SEMA3E: variants seen among roughly 807,000 people sequenced by gnomAD.
SEMA3E encodes the protein semaphorin-3E.
Under a neutral mutation model 93.6 loss-of-function variants are expected in SEMA3E, and 49 were observed. The ratio of observed to expected loss-of-function variants is 0.52; its 90% CI spans 0.42 to 0.66. SEMA3E has a LOEUF of 0.66. Among genes scored for constraint, SEMA3E ranks in the 30% least tolerant of loss-of-function variants. SEMA3E has a pLI of 0.00. For synonymous variants in SEMA3E, 363 were observed against 330.7 expected (o/e 1.10, Z -1.06); for missense variants, 906 against 964.8 (o/e 0.94, Z 0.81).
intron 1 of SEMA3E, among the ~76,000 whole-genome samples, chr7:83,543,041 A>G (rs1002603450): frequency 1.3e-5 from 2 of 152,186 alleles, no homozygotes; most frequent in Middle Eastern, 3.4e-3. Context: ...GTTACTTACT[A>G]TGTTAATATG....
At chr7:83,444,515 T>A (rs955597148) in intron 4 of SEMA3E, among the ~76,000 whole-genome samples, 1 of 152,150 alleles carries the variant, frequency 6.6e-6, no homozygotes, top group Non-Finnish European at 1.5e-5. Context: ...AGACCAATTA[T>A]GGGAATATGA....
rs148720467 is a variant in SEMA3E, at chr7:83,374,902, T to C, written c.1876-6864A>G. The stretch of plus-strand genomic sequence containing the variant: ...ACAATGTACCATAAACTAAATCGTA[T>C]GATTAAGTAAATTATGCATCTGAAG... On this transcript the variant is annotated intron_variant, in intron 16 of 16. Coordinates refer to ENST00000643230, the MANE Select transcript of SEMA3E (RefSeq NM_012431.3). Among the ~76,000 whole-genome samples, 1,001 of 152,092 alleles carry C rather than the reference T, an allele frequency of 6.6e-3. 8 individuals are homozygous for C. The highest frequency in any genetic ancestry group is 0.022 in the African/African-American group (924 of 41,524).
At chr7:83,570,552 CAAAAA>C (rs59715914) in intron 1 of SEMA3E, among the ~76,000 whole-genome samples, 3 of 33,082 alleles carry the variant, frequency 9.1e-5, no homozygotes, top group African/African-American at 4.6e-4. Flanking sequence ...GACTCCGTCT[CAAAAA>C]AAAAAAAAAA....
chr7:83,376,207 TG>T (rs2116903576), intron 16 of SEMA3E, among the ~76,000 whole-genome samples: 1 of 152,106 alleles, frequency 6.6e-6, no homozygotes, highest in East Asian at 1.9e-4. Flanking sequence ...ATGCTTTCAG[TG>T]TTGTGCATAA....
At chr7:83,469,678 T>C (rs907421803) in intron 2 of SEMA3E, among the ~76,000 whole-genome samples, 3 of 152,180 alleles carry the variant, frequency 2.0e-5, no homozygotes, top group African/African-American at 7.2e-5. Context: ...TGCTGTGTGG[T>C]GGGCTCTCCT....
chr7:83,492,775 G>T (rs1465011267), intron 1 of SEMA3E, among the ~76,000 whole-genome samples: 1 of 151,836 alleles, frequency 6.6e-6, no homozygotes. Context: ...AACAACCACT[G>T]TGTGACAGTT....
Position 83,469,290 on chromosome 7 carries a change from T to C in SEMA3E, c.289A>G (p.Ser97Gly), listed in dbSNP as rs1445294085. 6 of 1,609,698 alleles carry C rather than the reference T, an allele frequency of 3.7e-6. No homozygotes were observed. The African/African-American group carries it at 8.0e-5, about 22-fold the overall frequency. Residue 97 changes from serine (S) to glycine (G), a missense_variant, in exon 3 of 17, where the codon AGT becomes GGT. Transcript: ENST00000643230. ...SDGYKEIHWPSTALKMEECIM... is the reference protein window; with the variant it reads ...SDGYKEIHWPGTALKMEECIM... ...CATTCTTCCATTTTTAGAGCTGTAC[T>C]CGGCCAGTGTATCTAAAATAAAAGA... is the stretch of plus-strand genomic sequence containing the variant.
At chr7:83,430,754 C>G (rs2115742456) in intron 4 of SEMA3E, among the ~76,000 whole-genome samples, 1 of 152,204 alleles carries the variant, frequency 6.6e-6, no homozygotes, top group Non-Finnish European at 1.5e-5. Context: ...AGATGACGGA[C>G]TATTAGGTGA....
chr7:83,592,614 C>A (rs1027516699), intron 1 of SEMA3E, among the ~76,000 whole-genome samples: 3 of 151,968 alleles, frequency 2.0e-5, no homozygotes, highest in Admixed American at 6.6e-5. Flanking sequence ...GAGAAGAAAG[C>A]AATAGGTTCA....
intron 16 of SEMA3E, among the ~76,000 whole-genome samples, chr7:83,380,625 C>A (rs1787757582): frequency 6.6e-6 from 1 of 151,938 alleles, no homozygotes; most frequent in Admixed American, 6.6e-5. Context: ...ATTATGCCAC[C>A]ACCCTACCCA....
intron 15 of SEMA3E, among the ~76,000 whole-genome samples, 176 bp from the exon 16 acceptor site, chr7:83,385,609 T>C (rs1452102705): frequency 1.3e-5 from 2 of 152,076 alleles, no homozygotes; most frequent in Non-Finnish European, 2.9e-5. Context: ...AATTTAGGCA[T>C]GAAACAAGCA....
intron 1 of SEMA3E, among the ~76,000 whole-genome samples, chr7:83,505,859 C>CA (rs1455840556): frequency 2.6e-5 from 4 of 151,072 alleles, no homozygotes; most frequent in East Asian, 3.9e-4. Flanking sequence ...ATTAAAAATA[C>CA]AAAAAATTAG....
intron 4 of SEMA3E, among the ~76,000 whole-genome samples, chr7:83,435,635 A>C (rs1332937921): frequency 6.6e-6 from 1 of 152,104 alleles, no homozygotes; most frequent in Non-Finnish European, 1.5e-5. Context: ...AAAAGAAAAA[A>C]GAAAGACAGA....
At chr7:83,384,643 A>G (rs1205109404) in intron 16 of SEMA3E, among the ~76,000 whole-genome samples, 2 of 151,864 alleles carry the variant, frequency 1.3e-5, no homozygotes, top group Non-Finnish European at 1.5e-5. Context: ...CTTGACTCAC[A>G]TTCTTTTATC....
chr7:83,565,703 T>C (rs1792133631), intron 1 of SEMA3E, among the ~76,000 whole-genome samples: 1 of 152,146 alleles, frequency 6.6e-6, no homozygotes, highest in African/African-American at 2.4e-5. Flanking sequence ...GTGTTTCTGC[T>C]ACAGCTTCCT....
intron 1 of SEMA3E, among the ~76,000 whole-genome samples, chr7:83,527,010 G>A (rs1791174792): frequency 6.6e-6 from 1 of 152,022 alleles, no homozygotes; most frequent in South Asian, 2.1e-4. Context: ...AAGGTAATAT[G>A]AGGTCATACT....
At chr7:83,587,617 G>GA (rs532584576) in intron 1 of SEMA3E, among the ~76,000 whole-genome samples, 103 of 151,768 alleles carry the variant, frequency 6.8e-4, no homozygotes, top group Middle Eastern at 3.4e-3. Context: ...AAAAATAGTA[G>GA]AAAAAAACTA....
chr7:83,562,120 C>T (rs563023535), intron 1 of SEMA3E, among the ~76,000 whole-genome samples: 2 of 152,226 alleles, frequency 1.3e-5, no homozygotes, highest in African/African-American at 4.8e-5. Context: ...GAAAACCTTT[C>T]AAAGGAAACA....
At chr7:83,557,575 G>A (rs1417433816) in intron 1 of SEMA3E, among the ~76,000 whole-genome samples, 1 of 151,908 alleles carries the variant, frequency 6.6e-6, no homozygotes, top group Non-Finnish European at 1.5e-5. Context: ...TTGAAACAAA[G>A]CATTAGTTAA....
Sources: allele counts gnomAD v4.1 joint callset (sites outside exome capture counted in the v4.1 genomes callset), GRCh38; gene constraint gnomAD v4.1.1; transcripts MANE v1.5; gene names NCBI Gene and HGNC (gene_info 2026-07-23, HGNC 2026-07-21).